Variants in HDGFL3 observed in about 807,000 individuals in gnomAD.
HDGFL3 encodes HDGF like 3, also known as hepatoma-derived growth factor-related protein 3.
A neutral mutation model predicts 27.6 loss-of-function variants in HDGFL3; 6 were observed. The observed-to-expected ratio is 0.22, with a 90% confidence interval of 0.12 to 0.43. The LOEUF (loss-of-function observed/expected upper bound fraction) is 0.43, where lower values mean the gene tolerates loss of function less well. HDGFL3 is among the 20% of genes least tolerant of loss of function. The pLI is 1.00. For synonymous variants in HDGFL3, 88 were observed against 88.9 expected (o/e 0.99, Z 0.05); for missense variants, 207 against 250.1 (o/e 0.83, Z 1.16).
chr15:83,173,652 C>T (rs1207907892), intron 1 of HDGFL3, among the ~76,000 whole-genome samples: 9 of 152,134 alleles, frequency 5.9e-5, no homozygotes, highest in Non-Finnish European at 8.8e-5. Flanking sequence ...TCTTTCCAAG[C>T]AACCCCATTC....
chr15:83,180,713 T>A (rs1006201381), intron 1 of HDGFL3: 16 of 149,366 alleles, frequency 1.1e-4, no homozygotes, highest in African/African-American at 4.0e-4. Context: ...TGGCATGATG[T>A]CGGCTCACTG....
intron 2 of HDGFL3, among the ~76,000 whole-genome samples, chr15:83,162,736 T>C (rs1037515449): frequency 6.6e-5 from 10 of 152,166 alleles, no homozygotes; most frequent in African/African-American, 2.4e-4. Flanking sequence ...ATGAGGAAGA[T>C]GTTGGGTGGC....
intron 3 of HDGFL3, chr15:83,116,024 C>A: frequency 9.0e-7 from 1 of 1,111,834 alleles, no homozygotes; most frequent in South Asian, 1.3e-5. Flanking sequence ...GAAATCCTCT[C>A]ATTTAGTGTG....
intron 5 of HDGFL3, among the ~76,000 whole-genome samples, chr15:83,142,708 A>G (rs1433208534): frequency 6.6e-6 from 1 of 152,212 alleles, no homozygotes; most frequent in Non-Finnish European, 1.5e-5. Flanking sequence ...TTTTTCAATT[A>G]AATATCTGTA....
intron 2 of HDGFL3, among the ~76,000 whole-genome samples, chr15:83,159,129 C>T (rs1417336344): frequency 6.6e-6 from 1 of 152,156 alleles, no homozygotes; most frequent in African/African-American, 2.4e-5. Context: ...GCATAAGCCA[C>T]CGTGCCCAGC....
intron 1 of HDGFL3, among the ~76,000 whole-genome samples, chr15:83,198,696 G>C (rs2037601543): frequency 6.6e-6 from 1 of 152,200 alleles, no homozygotes; most frequent in Non-Finnish European, 1.5e-5. Context: ...AGGTCAAAGG[G>C]AAAGTGGACA....
At chr15:83,169,445 A>AAAG (rs2037217838) in intron 1 of HDGFL3, among the ~76,000 whole-genome samples, 1 of 142,726 alleles carries the variant, frequency 7.0e-6, no homozygotes, top group Non-Finnish European at 1.5e-5. Flanking sequence ...AAAAAAAAAA[A>AAAG]AAGAAAGAAA....
intron 1 of HDGFL3, among the ~76,000 whole-genome samples, chr15:83,165,585 A>G (rs999302997): frequency 3.3e-5 from 5 of 152,156 alleles, no homozygotes; most frequent in African/African-American, 1.2e-4. Flanking sequence ...GTAAAGCCAC[A>G]TGACATGGCT....
In HDGFL3 at chr15:83,135,009, C is replaced by T. The variant is rs1207114669; in HGVS notation, c.*4261G>A. 6.6e-6 allele frequency: 1 copy of T among 152,146 alleles called. No homozygotes were observed. Among genetic ancestry groups the T allele is most frequent in the African/African-American group, 2.4e-5 (1 of 41,428 alleles). 9.4% of individuals were successfully genotyped at this position (152,146 alleles called of 1,614,324 possible). ...TTGCTGGGTTCTGCCTGGGCATCTACCCAGGGGAGTTGTATCTGAGGGCCG... is the reference window on the plus strand; with the variant it reads ...TTGCTGGGTTCTGCCTGGGCATCTATCCAGGGGAGTTGTATCTGAGGGCCG... On this transcript the variant is annotated 3_prime_UTR_variant, in exon 6 of 6. Coordinates refer to ENST00000299633, the MANE Select transcript of HDGFL3 (RefSeq NM_016073.4).
rs886682971 is a variant in HDGFL3, at chr15:83,137,217, A to T, written c.*2053T>A. The T allele has an allele frequency of 1.3e-5, 2 of 152,122 alleles. No homozygotes were observed. 9.4% of individuals were successfully genotyped at this position (152,122 alleles called of 1,614,324 possible). A position where few individuals can be genotyped will look rare whatever the true frequency, so the allele number is the denominator to read the frequency against. ...GTTTCAAGAAAATTACTTTTACTAAATTTTTTTGTGTGAATTTAAACAGCT... is the reference window on the plus strand; with the variant it reads ...GTTTCAAGAAAATTACTTTTACTAATTTTTTTTGTGTGAATTTAAACAGCT... On this transcript the variant is annotated 3_prime_UTR_variant, in exon 6 of 6. Coordinates refer to ENST00000299633, the MANE Select transcript of HDGFL3 (RefSeq NM_016073.4).
chr15:83,156,187 T>C (rs2037026749), intron 4 of HDGFL3, among the ~76,000 whole-genome samples: 1 of 152,200 alleles, frequency 6.6e-6, no homozygotes, highest in African/African-American at 2.4e-5. Flanking sequence ...AGAGCTTTGA[T>C]GCTACATTCC....
intron 2 of HDGFL3, 109 bp from the exon 3 acceptor site, chr15:83,158,150 A>C (rs1165870166): frequency 5.5e-6 from 5 of 911,986 alleles, no homozygotes; most frequent in Admixed American, 5.7e-5. Flanking sequence ...AAACAAATCT[A>C]AAGTACATAT....
At chr15:83,173,962 T>C (rs1279087967) in intron 1 of HDGFL3, among the ~76,000 whole-genome samples, 2 of 152,246 alleles carry the variant, frequency 1.3e-5, no homozygotes, top group Non-Finnish European at 2.9e-5. Context: ...AAGTCATCTT[T>C]GAACTGAATG....
At chr15:83,115,824 C>A in intron 3 of HDGFL3, 1 of 1,568,644 alleles carries the variant, frequency 6.4e-7, no homozygotes, top group Non-Finnish European at 8.8e-7. Flanking sequence ...GCTTTTTAAA[C>A]TGCTGCTTTC....
In HDGFL3 at chr15:83,207,267, G is replaced by A; in HGVS notation, c.84+64C>T. The A allele has an allele frequency of 2.6e-6, 3 of 1,135,548 alleles. No homozygotes were observed. Among genetic ancestry groups the A allele is most frequent in the Non-Finnish European group, 3.4e-6 (3 of 870,624 alleles). 70.3% of individuals were successfully genotyped at this position (1,135,548 alleles called of 1,614,324 possible). On this transcript the variant is annotated intron_variant, in intron 1 of 5. Coordinates refer to ENST00000299633, the MANE Select transcript of HDGFL3 (RefSeq NM_016073.4). This position sits in a 1 kb window ranked among gnomAD's most constrained non-coding sequence, Gnocchi z 4.8. ...GGCTGAGGCGATGGGGAAAGGGGGC[G>A]GGCGCGCCATCATGAAGGGGAAAAT... is the stretch of plus-strand genomic sequence containing the variant.
At chr15:83,151,815 C>T (rs1235939719) in intron 4 of HDGFL3, among the ~76,000 whole-genome samples, 2 of 152,182 alleles carry the variant, frequency 1.3e-5, no homozygotes, top group African/African-American at 4.8e-5. Context: ...GATATTCATG[C>T]TGGAACACCT....
chr15:83,166,120 T>C (rs868418336), intron 1 of HDGFL3, among the ~76,000 whole-genome samples: 3 of 151,990 alleles, frequency 2.0e-5, no homozygotes, highest in Non-Finnish European at 2.9e-5. Flanking sequence ...TAAAATACTA[T>C]ACAAAATGAA....
chr15:83,139,995 C>A (rs1219724508), intron 5 of HDGFL3, among the ~76,000 whole-genome samples: 1 of 152,106 alleles, frequency 6.6e-6, no homozygotes, highest in African/African-American at 2.4e-5. Context: ...ATATATTAAA[C>A]CCCCTAGTAA....
chr15:83,142,049 G>C (rs767872341), intron 5 of HDGFL3, among the ~76,000 whole-genome samples: 2 of 152,150 alleles, frequency 1.3e-5, no homozygotes, highest in Non-Finnish European at 2.9e-5. Context: ...CAGAGAAAAG[G>C]GAACGCTTAT....
Sources: gnomAD v4.1 joint callset for allele counts (sites outside exome capture counted in the v4.1 genomes callset) on GRCh38, gnomAD v4.1.1 for gene constraint, Gnocchi (gnomAD v3.1) non-coding constraint, MANE v1.5 for transcripts, NCBI Gene and HGNC (gene_info 2026-07-23, HGNC 2026-07-21) for gene names.